The following TRPM6 variants were observed in gnomAD, a reference collection of about 807,000 sequenced individuals.
TRPM6 encodes the protein channel kinase 2.
TRPM6 carries 111 observed loss-of-function variants against 247.6 expected under a neutral mutation model. That is an observed-to-expected ratio of 0.45 (90% CI 0.38 to 0.52). The LOEUF (loss-of-function observed/expected upper bound fraction) is 0.52, where lower values mean the gene tolerates loss of function less well. Ranked by LOEUF, TRPM6 falls within the 20% of genes least tolerant of loss-of-function variation. TRPM6 has a pLI of 0.00. For synonymous variants in TRPM6, 892 were observed against 853.8 expected, an observed-to-expected ratio of 1.04 and a Z score of -0.78; for missense variants, 2,126 against 2,421.5, an observed-to-expected ratio of 0.88 and a Z score of 2.56.
intron 13 of TRPM6, among the ~76,000 whole-genome samples, chr9:74,810,573 T>C (rs1828695355): frequency 1.3e-5 from 2 of 152,242 alleles, no homozygotes; most frequent in Admixed American, 6.5e-5. Flanking sequence ...CTCTGATTCA[T>C]GGCTTTTTAT....
chr9:74,792,835 C>T, intron 18 of TRPM6, 65 bp from the exon 19 acceptor site: 3 of 1,448,144 alleles, frequency 2.1e-6, no homozygotes, highest in Non-Finnish European at 2.9e-6. Context: ...CAAGCATGAA[C>T]ATCCAAAAAA....
At chr9:74,731,412 C>G (rs934432273) in intron 37 of TRPM6, among the ~76,000 whole-genome samples, 1 of 151,878 alleles carries the variant, frequency 6.6e-6, no homozygotes, top group Non-Finnish European at 1.5e-5. Context: ...ATAATAAAGT[C>G]TTTATGTATA....
chr9:74,736,930 T>G (rs1308702770), intron 36 of TRPM6, among the ~76,000 whole-genome samples: 1 of 152,218 alleles, frequency 6.6e-6, no homozygotes, highest in Non-Finnish European at 1.5e-5. Flanking sequence ...GAGTCATCAT[T>G]AATTCCTTAA....
chr9:74,868,062 G>A (rs1385224461), intron 1 of TRPM6, among the ~76,000 whole-genome samples: 1 of 150,856 alleles, frequency 6.6e-6, no homozygotes, highest in African/African-American at 2.4e-5. Context: ...GCTGAGGCAG[G>A]AGAATCACTT....
chr9:74,732,698 G>A lies in TRPM6; in HGVS notation c.5815C>T (p.Pro1939Ser). ...AAATTAACTTACTGTTTGACTTCAG[G>A]TTTTATAACAGATGGATCTGTCAAA... is the stretch of plus-strand genomic sequence containing the variant. ...ENLTDPSVIKPEVKQSRGMVF... is the reference protein window; with the variant it reads ...ENLTDPSVIKSEVKQSRGMVF... Residue 1939 changes from proline (P) to serine (S), a missense_variant, in exon 37 of 39, where the codon CCT (proline) becomes TCT (serine). By Grantham distance (74) the Pro-to-Ser change is moderately conservative. This residue lies in a region of TRPM6 where 327 missense variants were observed against 397.7 expected (regional missense o/e 0.82). Transcript: ENST00000360774. 1.2e-6 allele frequency: 2 copies of A among 1,608,444 alleles called. No homozygotes were observed. The highest frequency in any genetic ancestry group is 1.7e-6 in the Non-Finnish European group (2 of 1,176,986).
At chr9:74,749,852 C>G (rs1826178547) in intron 30 of TRPM6, among the ~76,000 whole-genome samples, 1 of 152,084 alleles carries the variant, frequency 6.6e-6, no homozygotes, top group East Asian at 1.9e-4. Context: ...ATGATGGGAG[C>G]CCTAGAGAAA....
chr9:74,826,865 A>C (rs1370651435), intron 7 of TRPM6: 1 of 150,996 alleles, frequency 6.6e-6, no homozygotes, highest in African/African-American at 2.5e-5. Flanking sequence ...CAGCCTCCTG[A>C]GTAGCTGGGA....
rs1040183539 is a variant in TRPM6 at position 74,748,515 on chromosome 9, C to G, written c.5058-601G>C. Among the ~76,000 whole-genome samples, 19 of 152,258 alleles carry G rather than the reference C, an allele frequency of 1.2e-4. No homozygotes were observed. The East Asian group carries it at 3.5e-3, about 28-fold the overall frequency. ...CTTCCAGTGGGACAAGATGAGGAGG[C>G]AGGAGACAGTGATATTGATGATCCT... On this transcript the variant is annotated intron_variant, in intron 30 of 38. Coordinates refer to ENST00000360774, the MANE Select transcript of TRPM6 (RefSeq NM_017662.5).
At chr9:74,791,883 A>G (rs921365483) in intron 19 of TRPM6, among the ~76,000 whole-genome samples, 2 of 152,022 alleles carry the variant, frequency 1.3e-5, no homozygotes, top group African/African-American at 4.8e-5. Context: ...CAGCCTCCTG[A>G]GTAGCTGGGA....
At chr9:74,781,154 G>C (rs1827427270) in intron 23 of TRPM6, among the ~76,000 whole-genome samples, 1 of 152,068 alleles carries the variant, frequency 6.6e-6, no homozygotes, top group Non-Finnish European at 1.5e-5. Context: ...GAAGAGGCAG[G>C]TCCGGGCTCA....
intron 3 of TRPM6, 39 bp downstream of exon 3, chr9:74,855,488 C>T (rs374999240): frequency 6.7e-7 from 1 of 1,484,390 alleles, no homozygotes; most frequent in Non-Finnish European, 9.4e-7. Context: ...AAATAGGGTG[C>T]CTAAAAGCTA....
chr9:74,737,443 C>G (rs1335101787), intron 36 of TRPM6: 2 of 1,289,728 alleles, frequency 1.6e-6, no homozygotes, highest in East Asian at 1.1e-4. Flanking sequence ...AATCCCAGAA[C>G]CAGAGAGCTG....
intron 27 of TRPM6, 38 bp downstream of exon 27, chr9:74,761,658 T>G (rs769397641): frequency 1.5e-6 from 2 of 1,320,750 alleles, no homozygotes; most frequent in African/African-American, 2.9e-5. Flanking sequence ...CTACCTTGAC[T>G]GCTCAAAACC....
chr9:74,826,491 G>C (rs963963539), intron 7 of TRPM6, among the ~76,000 whole-genome samples: 1 of 152,226 alleles, frequency 6.6e-6, no homozygotes, highest in South Asian at 2.1e-4. Flanking sequence ...TTCGGCACAA[G>C]AGGCAGGGGT....
chr9:74,769,890 G>A (rs1025969360), intron 25 of TRPM6, among the ~76,000 whole-genome samples: 14 of 152,204 alleles, frequency 9.2e-5, no homozygotes, highest in African/African-American at 2.4e-4. Context: ...TCCCAGCTCC[G>A]TAAGCTCCTA....
intron 29 of TRPM6, among the ~76,000 whole-genome samples, chr9:74,750,956 G>A (rs1329267245): frequency 6.6e-6 from 1 of 152,146 alleles, no homozygotes; most frequent in Non-Finnish European, 1.5e-5. Flanking sequence ...TTACCTTTAA[G>A]GAGATATCAA....
rs1349257411 is a variant in TRPM6 at position 74,723,851 on chromosome 9, T to A, written c.*762A>T. Reference sequence around the variant, plus strand: ...AAAATATATATATTCCATATGTATTTTATATATATAATATATATATTCCAT... The same window carrying A: ...AAAATATATATATTCCATATGTATTATATATATATAATATATATATTCCAT... On this transcript the variant is annotated 3_prime_UTR_variant, in exon 39 of 39. Transcript: ENST00000360774. 4.1e-5 allele frequency: 6 copies of A among 145,028 alleles called. No homozygotes were observed. The East Asian group carries it at 7.4e-4, about 18-fold the overall frequency. The allele number at this position is 145,028 out of a possible 1,614,324, so 9.0% of individuals were successfully genotyped here.
intron 9 of TRPM6, among the ~76,000 whole-genome samples, chr9:74,819,095 G>A (rs1195763349): frequency 6.6e-6 from 1 of 152,064 alleles, no homozygotes; most frequent in Non-Finnish European, 1.5e-5. Flanking sequence ...ATCGCTTGAG[G>A]CCAGGAGTTC....
At chr9:74,843,214 A>G (rs888518149) in intron 3 of TRPM6, among the ~76,000 whole-genome samples, 1 of 152,212 alleles carries the variant, frequency 6.6e-6, no homozygotes, top group Non-Finnish European at 1.5e-5. Context: ...AATGAGATTC[A>G]GTCACACCCT....
Sources: allele counts gnomAD v4.1 joint callset (sites outside exome capture counted in the v4.1 genomes callset), GRCh38; gene constraint gnomAD v4.1.1; regional missense constraint gnomAD v4.1.1; transcripts MANE v1.5; gene names NCBI Gene and HGNC (gene_info 2026-07-23, HGNC 2026-07-21).